Variants in MAML3 observed in about 807,000 individuals in gnomAD.
The protein encoded by MAML3 is mastermind-like protein 3.
A neutral mutation model predicts 101.9 loss-of-function variants in MAML3; 27 were observed. The ratio of observed to expected loss-of-function variants is 0.27; its 90% confidence interval spans 0.20 to 0.37. MAML3 has a LOEUF of 0.37. MAML3 is among the 10% of genes least tolerant of loss of function. The pLI is 1.00. For missense variants in MAML3, 1,316 were observed against 1,444.9 expected (o/e 0.91, Z 1.45); for synonymous variants, 501 against 555.9 (o/e 0.90, Z 1.39).
intron 1 of MAML3, among the ~76,000 whole-genome samples, chr4:140,029,933 T>G (rs77917643): frequency 0.036 from 5,419 of 152,240 alleles, 315 homozygotes; most frequent in African/African-American, 0.12. Context: ...GAAGATGAAA[T>G]AAGTTGGGTT....
intron 1 of MAML3, among the ~76,000 whole-genome samples, chr4:140,064,572 AG>A (rs1376327354): frequency 6.6e-6 from 1 of 152,170 alleles, no homozygotes; most frequent in East Asian, 1.9e-4. Flanking sequence ...CCTCGATGAA[AG>A]GTAAAAGGTA....
chr4:139,987,432 G>C (rs186759913), intron 1 of MAML3, among the ~76,000 whole-genome samples: 2 of 152,292 alleles, frequency 1.3e-5, no homozygotes, highest in East Asian at 3.9e-4. Flanking sequence ...TCTGTGGTGG[G>C]AACGCCGTGC....
At chr4:139,989,357 G>A (rs539968667) in intron 1 of MAML3, among the ~76,000 whole-genome samples, 1 of 152,166 alleles carries the variant, frequency 6.6e-6, no homozygotes, top group African/African-American at 2.4e-5. Context: ...AGGCGGCCAG[G>A]AAAATCAGAA....
At chr4:139,986,091 A>G (rs774438910) in intron 1 of MAML3, among the ~76,000 whole-genome samples, 40 of 152,244 alleles carry the variant, frequency 2.6e-4, no homozygotes, top group Non-Finnish European at 1.3e-4. Context: ...GCAGAAGAGC[A>G]GACCAGCATG....
chr4:140,138,917 G>A (rs1307177985), intron 1 of MAML3, among the ~76,000 whole-genome samples: 4 of 152,098 alleles, frequency 2.6e-5, no homozygotes, highest in East Asian at 1.9e-4. Context: ...ATTTCTTTGC[G>A]TATATGTTAA....
intron 1 of MAML3, among the ~76,000 whole-genome samples, chr4:140,068,155 A>G (rs966546249): frequency 6.6e-6 from 1 of 152,144 alleles, no homozygotes; most frequent in Non-Finnish European, 1.5e-5. Context: ...TCACGAGCCC[A>G]CCCAGATGCA....
chr4:139,911,563 T>A (rs1318402614), intron 1 of MAML3, among the ~76,000 whole-genome samples: 1 of 152,206 alleles, frequency 6.6e-6, no homozygotes, highest in African/African-American at 2.4e-5. Context: ...GGTATATTGC[T>A]ATGGTCTAAA....
At chr4:139,881,452 A>G (rs2063569192) in intron 2 of MAML3, among the ~76,000 whole-genome samples, 2 of 152,196 alleles carry the variant, frequency 1.3e-5, no homozygotes, top group Admixed American at 1.3e-4. Context: ...TTTCCTGTCT[A>G]GCTTAAGGGA....
At chr4:140,009,340 A>G (rs1726510918) in intron 1 of MAML3, among the ~76,000 whole-genome samples, 1 of 152,110 alleles carries the variant, frequency 6.6e-6, no homozygotes. Flanking sequence ...TTAATTTTCT[A>G]TAGGACAAGC....
At chr4:139,772,265 AAAG>A (rs1730010386) in intron 2 of MAML3, among the ~76,000 whole-genome samples, 1 of 150,130 alleles carries the variant, frequency 6.7e-6, no homozygotes, top group Non-Finnish European at 1.5e-5. Context: ...AAAAAAAAAA[AAAG>A]GTAAAAGGAC....
chr4:140,008,835 C>A (rs1726500112), intron 1 of MAML3, among the ~76,000 whole-genome samples: 1 of 152,204 alleles, frequency 6.6e-6, no homozygotes, highest in Admixed American at 6.5e-5. Flanking sequence ...CAGGCACTGA[C>A]CTGGCAGCCT....
chr4:139,968,074 T>C (rs1403104875), intron 1 of MAML3, among the ~76,000 whole-genome samples: 2 of 150,672 alleles, frequency 1.3e-5, no homozygotes, highest in African/African-American at 2.4e-5. Context: ...AGGTCAGGAG[T>C]TCGAGACCAG....
Position 140,120,687 on chromosome 4 carries a change from C to CT in MAML3, c.468+32172dup, listed in dbSNP as rs761562175. Among the ~76,000 whole-genome samples, 337 of 151,704 alleles carry CT rather than the reference C, an allele frequency of 2.2e-3. 13 individuals carry two copies. In the East Asian group the frequency reaches 0.053, roughly 24 times the overall value. ...TAAGATCGAATAGTTTCTCCTTAAT[C>CT]TTTTTTTTTCCTCATAGAGAAACAT... On this transcript the variant is annotated intron_variant, in intron 1 of 4. Coordinates refer to ENST00000509479, the MANE Select transcript of MAML3 (RefSeq NM_018717.5).
intron 2 of MAML3, among the ~76,000 whole-genome samples, chr4:139,772,378 G>C (rs573364967): frequency 1.4e-5 from 2 of 147,782 alleles, no homozygotes; most frequent in East Asian, 4.1e-4. Flanking sequence ...TTTTGCTCTT[G>C]TTGCTTAGGC....
intron 2 of MAML3, among the ~76,000 whole-genome samples, chr4:139,762,876 C>T (rs1222975684): frequency 6.6e-6 from 1 of 152,160 alleles, no homozygotes; most frequent in Non-Finnish European, 1.5e-5. Context: ...AGAAAGCCCC[C>T]CTTTCTTTCC....
intron 1 of MAML3, among the ~76,000 whole-genome samples, chr4:140,021,064 C>T (rs889175083): frequency 6.6e-6 from 1 of 152,098 alleles, no homozygotes; most frequent in Non-Finnish European, 1.5e-5. Context: ...CAAGGAGTTA[C>T]AGAGAGATGA....
intron 2 of MAML3, among the ~76,000 whole-genome samples, chr4:139,839,232 C>T (rs929352005): frequency 6.6e-6 from 1 of 152,190 alleles, no homozygotes; most frequent in Non-Finnish European, 1.5e-5. Context: ...GTGAAAGATT[C>T]AGACAGCAGC....
chr4:139,810,508 A>G (rs1227117881), intron 2 of MAML3, among the ~76,000 whole-genome samples: 1 of 152,028 alleles, frequency 6.6e-6, no homozygotes, highest in Non-Finnish European at 1.5e-5. Context: ...ATTTTTATCA[A>G]TATATATCTG....
intron 2 of MAML3, among the ~76,000 whole-genome samples, chr4:139,830,703 T>C (rs6832911): frequency 0.11 from 16,683 of 151,996 alleles, 2,129 homozygotes; most frequent in African/African-American, 0.31. Context: ...CGTGAGCCAC[T>C]GCGCCTGGCC....
Sources: allele counts gnomAD v4.1 joint callset (sites outside exome capture counted in the v4.1 genomes callset), GRCh38; gene constraint gnomAD v4.1.1; transcripts MANE v1.5; gene names NCBI Gene and HGNC (gene_info 2026-07-23, HGNC 2026-07-21).